RASGRF2: variants seen among roughly 807,000 people sequenced by gnomAD.
RASGRF2 encodes ras-specific guanine nucleotide-releasing factor 2.
Under a neutral mutation model 151.0 loss-of-function variants are expected in RASGRF2, and 76 were observed. That is an observed-to-expected ratio of 0.50 (90% CI 0.42 to 0.61). RASGRF2 has a LOEUF of 0.61. RASGRF2 is among the 20% of genes least tolerant of loss of function. The pLI is 0.00. For synonymous variants in RASGRF2, 504 were observed against 566.5 expected, an observed-to-expected ratio of 0.89 and a Z score of 1.57; for missense variants, 1,148 against 1,564.6, an observed-to-expected ratio of 0.73 and a Z score of 4.49.
At chr5:81,126,351 T>A (rs181194916) in intron 16 of RASGRF2, among the ~76,000 whole-genome samples, 1 of 152,384 alleles carries the variant, frequency 6.6e-6, no homozygotes, top group Admixed American at 6.5e-5. Context: ...TGATATGGTA[T>A]CTTTTTTAAG....
intron 12 of RASGRF2, among the ~76,000 whole-genome samples, chr5:81,102,952 C>T (rs529791560): frequency 6.6e-6 from 1 of 152,082 alleles, no homozygotes; most frequent in Non-Finnish European, 1.5e-5. Context: ...ACTCAGCAGG[C>T]ATGGAGAGCA....
In RASGRF2 at chr5:81,007,795, C is replaced by T. The variant is rs1341080624; in HGVS notation, c.289-35082C>T. Reference sequence around the variant, plus strand: ...ATGTATTGTTCTTCAAAGGAGTGACCTCATCCATGGAGGAGTCACCTAGTA... The same window carrying T: ...ATGTATTGTTCTTCAAAGGAGTGACTTCATCCATGGAGGAGTCACCTAGTA... On this transcript the variant is annotated intron_variant, in intron 1 of 26. Transcript: ENST00000265080. Among the ~76,000 whole-genome samples, 2 of 152,076 alleles carry T rather than the reference C, an allele frequency of 1.3e-5. 1 individual carries two copies. Among genetic ancestry groups the T allele is most frequent in the Non-Finnish European group, 2.9e-5 (2 of 68,036 alleles).
chr5:81,201,224 T>C (rs991327165), intron 18 of RASGRF2, 106 bp from the exon 19 acceptor site: 1 of 1,465,632 alleles, frequency 6.8e-7, no homozygotes, highest in Non-Finnish European at 9.0e-7. Flanking sequence ...TACATTTTAA[T>C]TTCCATACCT....
intron 18 of RASGRF2, among the ~76,000 whole-genome samples, chr5:81,193,414 G>A (rs953435425): frequency 3.3e-5 from 5 of 152,222 alleles, no homozygotes; most frequent in African/African-American, 1.2e-4. Context: ...ATGGTCATCA[G>A]TGAAGGGAGA....
intron 1 of RASGRF2, among the ~76,000 whole-genome samples, chr5:80,965,839 T>C (rs975650847): frequency 3.3e-5 from 5 of 152,162 alleles, no homozygotes; most frequent in African/African-American, 1.2e-4. Flanking sequence ...TTAATGCAGA[T>C]TATATTTTTA....
rs182177108 is a variant in RASGRF2 at position 80,979,732 on chromosome 5, A to C, written c.288+18706A>C. 2.4e-3 allele frequency among the ~76,000 whole-genome samples: 372 copies of C among 152,330 alleles called. 6 individuals are homozygous for C. The highest frequency in any genetic ancestry group is 1.2e-3 in the East Asian group (6 of 5,190). ...TACAGGTACTGTATAAAGGATGTCT[A>C]TATTGCATCCTGTACTGTAAGCTTT... On this transcript the variant is annotated intron_variant, in intron 1 of 26. Transcript: ENST00000265080.
chr5:81,021,726 G>T lies in RASGRF2; in HGVS notation c.289-21151G>T, dbSNP rs59025892. ...TTCTATAACCACAATCCGTTCATTT[G>T]CCCAATGCACAGTGAGTCAGTGTTC... On this transcript the variant is annotated intron_variant, in intron 1 of 26. Coordinates refer to ENST00000265080, the MANE Select transcript of RASGRF2 (RefSeq NM_006909.3). Among the ~76,000 whole-genome samples, 1,056 of 152,304 alleles carry T rather than the reference G, an allele frequency of 6.9e-3. 12 individuals are homozygous for T. Among genetic ancestry groups the T allele is most frequent in the African/African-American group, 0.025 (1,026 of 41,558 alleles).
At chr5:81,122,438 T>C (rs574884846) in intron 15 of RASGRF2, among the ~76,000 whole-genome samples, 1 of 152,348 alleles carries the variant, frequency 6.6e-6, no homozygotes, top group South Asian at 2.1e-4. Context: ...AATTATGTCA[T>C]TCAGAGAAAG....
At chr5:81,000,271 C>T (rs1415579539) in intron 1 of RASGRF2, among the ~76,000 whole-genome samples, 2 of 152,188 alleles carry the variant, frequency 1.3e-5, no homozygotes, top group Admixed American at 1.3e-4. Context: ...AACAGGGTTT[C>T]GCTCTTGTCA....
intron 17 of RASGRF2, among the ~76,000 whole-genome samples, chr5:81,132,332 A>C (rs1269733039): frequency 6.6e-6 from 1 of 152,206 alleles, no homozygotes; most frequent in African/African-American, 2.4e-5. Context: ...TGTACTGTCC[A>C]TATATTTTTA....
intron 1 of RASGRF2, among the ~76,000 whole-genome samples, chr5:81,027,003 C>A (rs1211924480): frequency 1.3e-5 from 2 of 152,090 alleles, no homozygotes; most frequent in Non-Finnish European, 2.9e-5. Context: ...CCCCAGTTTC[C>A]TGCTTCTTAT....
chr5:81,174,492 G>A (rs1754727641), intron 17 of RASGRF2, among the ~76,000 whole-genome samples: 1 of 152,200 alleles, frequency 6.6e-6, no homozygotes, highest in Non-Finnish European at 1.5e-5. Flanking sequence ...GAGGGTCAGG[G>A]AGAGAATGAA....
chr5:81,073,215 G>A lies in RASGRF2; in HGVS notation c.650G>A (p.Arg217Gln), dbSNP rs1176176188. The change falls in exon 5 of 27, where the codon CGA (arginine) becomes CAA (glutamine). Residue 217 changes from arginine (R) to glutamine (Q), a missense_variant. By Grantham distance (43) the Arg-to-Gln change is conservative. Coordinates refer to ENST00000265080, the MANE Select transcript of RASGRF2 (RefSeq NM_006909.3). The part of the protein sequence containing the change: ...KKIKKVQSFM[R>Q]GWLCRRKWKT... ...GTTCTGTAGGTTCAGAGCTTCATGC[G>A]AGGATGGTTGTGCAGAAGGAAATGG... 2 of 1,613,756 alleles carry A rather than the reference G, an allele frequency of 1.2e-6. No individual in the cohort carries two copies. Among genetic ancestry groups the A allele is most frequent in the African/African-American group, 1.3e-5 (1 of 74,900 alleles).
intron 17 of RASGRF2, among the ~76,000 whole-genome samples, chr5:81,148,875 C>T (rs1434028732): frequency 6.6e-6 from 1 of 151,500 alleles, no homozygotes; most frequent in Non-Finnish European, 1.5e-5. Flanking sequence ...AACAAACATA[C>T]CAAAAAATGC....
At chr5:81,135,223 T>C (rs528370454) in intron 17 of RASGRF2, among the ~76,000 whole-genome samples, 1 of 152,146 alleles carries the variant, frequency 6.6e-6, no homozygotes, top group South Asian at 2.1e-4. Flanking sequence ...GGGAGGATCT[T>C]TTGGGCCTGG....
chr5:81,105,340 C>T (rs767600247), intron 12 of RASGRF2, among the ~76,000 whole-genome samples: 7 of 152,140 alleles, frequency 4.6e-5, no homozygotes, highest in Non-Finnish European at 7.3e-5. Context: ...TTCTGACCCC[C>T]TGTCCAGGAC....
intron 2 of RASGRF2, among the ~76,000 whole-genome samples, chr5:81,045,866 A>G (rs950464801): frequency 6.6e-6 from 1 of 152,156 alleles, no homozygotes; most frequent in Non-Finnish European, 1.5e-5. Flanking sequence ...TTGTTCATGT[A>G]TGAACAAAGC....
intron 17 of RASGRF2, among the ~76,000 whole-genome samples, chr5:81,143,919 T>C (rs1165738651): frequency 1.3e-5 from 2 of 151,678 alleles, no homozygotes; most frequent in Non-Finnish European, 2.9e-5. Flanking sequence ...AAAAAAATTC[T>C]GTTTCCTGGA....
chr5:81,085,091 G>T (rs920894127), intron 7 of RASGRF2, among the ~76,000 whole-genome samples: 5 of 152,156 alleles, frequency 3.3e-5, no homozygotes, highest in Admixed American at 3.3e-4. Context: ...TCTAACCCCC[G>T]AGTGGGTAAT....
Sources: allele counts gnomAD v4.1 joint callset (sites outside exome capture counted in the v4.1 genomes callset), GRCh38; gene constraint gnomAD v4.1.1; transcripts MANE v1.5; gene names NCBI Gene and HGNC (gene_info 2026-07-23, HGNC 2026-07-21).